Variants in PRKCE observed in about 807,000 individuals in gnomAD.
PRKCE encodes protein kinase C epsilon, also known as protein kinase C epsilon type.
Under a neutral mutation model 85.4 loss-of-function variants are expected in PRKCE, and 16 were observed. The ratio of observed to expected loss-of-function variants is 0.19; its 90% confidence interval spans 0.13 to 0.28. The LOEUF (loss-of-function observed/expected upper bound fraction) is 0.28. PRKCE is among the 10% of genes least tolerant of loss of function. PRKCE has a pLI of 1.00. For missense variants in PRKCE, 573 were observed against 975.2 expected (o/e 0.59, Z 5.49); for synonymous variants, 388 against 371.5 (o/e 1.04, Z -0.51).
chr2:45,831,360 C>T (rs191309897), intron 1 of PRKCE, among the ~76,000 whole-genome samples: 2 of 152,292 alleles, frequency 1.3e-5, no homozygotes, highest in East Asian at 1.9e-4. Context: ...GTGTTGTCAA[C>T]CTTGATAGGT....
At chr2:45,997,546 T>TTTAA (rs965651054) in intron 6 of PRKCE, among the ~76,000 whole-genome samples, 25 of 152,126 alleles carry the variant, frequency 1.6e-4, no homozygotes, top group Non-Finnish European at 3.1e-4. Flanking sequence ...TTATTTTTAT[T>TTTAA]TTATTTATTT....
At chr2:46,109,269 A>G (rs888135202) in intron 11 of PRKCE, among the ~76,000 whole-genome samples, 3 of 152,162 alleles carry the variant, frequency 2.0e-5, no homozygotes, top group African/African-American at 7.2e-5. Flanking sequence ...TTGAATCTAT[A>G]GATTTTAAGT....
intron 1 of PRKCE, among the ~76,000 whole-genome samples, chr2:45,705,312 A>C (rs1242899517): frequency 6.6e-6 from 1 of 152,178 alleles, no homozygotes; most frequent in Non-Finnish European, 1.5e-5. Context: ...TTGAAACTCT[A>C]GTTGCGGAGA....
intron 10 of PRKCE, among the ~76,000 whole-genome samples, chr2:46,027,766 A>G (rs1428443551): frequency 6.6e-6 from 1 of 152,158 alleles, no homozygotes; most frequent in Non-Finnish European, 1.5e-5. Flanking sequence ...CTCAAGGACA[A>G]GAAGTGTGGT....
In PRKCE at chr2:45,916,057, AAGAG is replaced by A. The variant is rs1037705626; in HGVS notation, c.413-60366_413-60363del. Among the ~76,000 whole-genome samples the A allele has an allele frequency of 2.3e-4, 35 of 152,236 alleles. No homozygotes were observed. In the Middle Eastern group the frequency reaches 0.017, roughly 74 times the overall value. ...AGAGTTTAGGATGGCTCTAGGGCTCAAGAGAGAGATGGTGGTATGAGGAAGGAAC... is the reference window on the plus strand; with the variant it reads ...AGAGTTTAGGATGGCTCTAGGGCTCAAGAGATGGTGGTATGAGGAAGGAAC... On this transcript the variant is annotated intron_variant, in intron 2 of 14. Coordinates refer to ENST00000306156, the MANE Select transcript of PRKCE (RefSeq NM_005400.3).
At chr2:45,662,076 T>C (rs1270645127) in intron 1 of PRKCE, among the ~76,000 whole-genome samples, 1 of 152,214 alleles carries the variant, frequency 6.6e-6, no homozygotes, top group Non-Finnish European at 1.5e-5. Flanking sequence ...ATAGTCAGTA[T>C]TCTTTAATCA....
chr2:45,716,058 A>G (rs935831113), intron 1 of PRKCE, among the ~76,000 whole-genome samples: 6 of 152,120 alleles, frequency 3.9e-5, no homozygotes, highest in South Asian at 2.1e-4. Flanking sequence ...TGAAACCTAC[A>G]AGCCCCTCCT....
chr2:46,085,961 C>A (rs1574432215), intron 10 of PRKCE, among the ~76,000 whole-genome samples: 1 of 152,198 alleles, frequency 6.6e-6, no homozygotes, highest in Non-Finnish European at 1.5e-5. Context: ...ATTTAGGCTT[C>A]TTCCACTAGA....
intron 10 of PRKCE, among the ~76,000 whole-genome samples, chr2:46,031,857 A>G (rs1027817121): frequency 6.6e-6 from 1 of 152,158 alleles, no homozygotes; most frequent in Non-Finnish European, 1.5e-5. Flanking sequence ...CACAGCCCCT[A>G]CCAACTGGTC....
intron 1 of PRKCE, among the ~76,000 whole-genome samples, chr2:45,791,827 G>A (rs1304609241): frequency 2.0e-5 from 3 of 152,160 alleles, no homozygotes; most frequent in Admixed American, 2.0e-4. Context: ...AGGAGCACGG[G>A]CTTTGACCCC....
At chr2:46,095,551 CATCTCCAGAGT>C (rs1670603472) in intron 11 of PRKCE, among the ~76,000 whole-genome samples, 1 of 152,214 alleles carries the variant, frequency 6.6e-6, no homozygotes, top group African/African-American at 2.4e-5. Context: ...ACATCACCCT[CATCTCCAGAGT>C]AACTGTTACT....
chr2:45,918,451 T>C (rs1478268433), intron 2 of PRKCE, among the ~76,000 whole-genome samples: 1 of 152,198 alleles, frequency 6.6e-6, no homozygotes, highest in Non-Finnish European at 1.5e-5. Context: ...AATACATATT[T>C]AAGATTCAGC....
At chr2:46,126,527 C>G (rs1374064758) in intron 11 of PRKCE, among the ~76,000 whole-genome samples, 1 of 152,084 alleles carries the variant, frequency 6.6e-6, no homozygotes, top group Admixed American at 6.5e-5. Context: ...CTGTTACAGA[C>G]AGAGGAAACA....
chr2:45,662,008 G>C (rs1675686543), intron 1 of PRKCE, among the ~76,000 whole-genome samples: 1 of 152,154 alleles, frequency 6.6e-6, no homozygotes, highest in Non-Finnish European at 1.5e-5. Context: ...CTCGTGAACA[G>C]GAAGTGTCCC....
At chr2:46,122,731 G>A (rs2104342138) in intron 11 of PRKCE, among the ~76,000 whole-genome samples, 1 of 152,214 alleles carries the variant, frequency 6.6e-6, no homozygotes, top group African/African-American at 2.4e-5. Context: ...TTTAACCACT[G>A]GGAAGATAGC....
intron 2 of PRKCE, among the ~76,000 whole-genome samples, chr2:45,972,037 G>T (rs1032019317): frequency 2.0e-5 from 3 of 152,146 alleles, no homozygotes; most frequent in Non-Finnish European, 1.5e-5. Flanking sequence ...AAGAAACCTC[G>T]ATACTGTTTC....
chr2:45,919,743 A>G (rs1024619941), intron 2 of PRKCE, among the ~76,000 whole-genome samples: 2 of 152,232 alleles, frequency 1.3e-5, no homozygotes, highest in African/African-American at 4.8e-5. Context: ...GGGGCTAGAG[A>G]AAAACACAGG....
At chr2:45,966,390 T>A (rs1701733680) in intron 2 of PRKCE, among the ~76,000 whole-genome samples, 1 of 152,198 alleles carries the variant, frequency 6.6e-6, no homozygotes, top group Non-Finnish European at 1.5e-5. Flanking sequence ...GTCGTGTGTG[T>A]CAGATAGTAG....
intron 6 of PRKCE, among the ~76,000 whole-genome samples, chr2:45,995,638 A>T (rs1704152503): frequency 6.6e-6 from 1 of 152,288 alleles, no homozygotes; most frequent in South Asian, 2.1e-4. Context: ...TCTTTGTCAA[A>T]GATCAGTTGG....
Sources: gnomAD v4.1 joint callset for allele counts (sites outside exome capture counted in the v4.1 genomes callset) on GRCh38, gnomAD v4.1.1 for gene constraint, MANE v1.5 for transcripts, NCBI Gene and HGNC (gene_info 2026-07-23, HGNC 2026-07-21) for gene names.